The following ASIC2 variants were observed in gnomAD, a reference collection of about 807,000 sequenced individuals.
ASIC2 encodes the protein acid-sensing ion channel 2.
Under a neutral mutation model 57.3 loss-of-function variants are expected in ASIC2, and 25 were observed. The observed-to-expected ratio is 0.44, with a 90% CI of 0.32 to 0.61. The LOEUF is 0.61. Ranked by LOEUF, ASIC2 falls within the 20% of genes least tolerant of loss-of-function variation. The pLI is 0.06. For synonymous variants in ASIC2, 319 were observed against 307.5 expected, an observed-to-expected ratio of 1.04 and a Z score of -0.39; for missense variants, 641 against 738.1, an observed-to-expected ratio of 0.87 and a Z score of 1.52.
chr17:34,081,888 A>G (rs1452949492), intron 1 of ASIC2: 1 of 152,190 alleles, frequency 6.6e-6, no homozygotes, highest in Non-Finnish European at 1.5e-5. Context: ...ATTGTAGCTC[A>G]ATAAATGTTT....
chr17:34,026,318 G>A (rs1397319345), intron 1 of ASIC2, among the ~76,000 whole-genome samples: 1 of 152,176 alleles, frequency 6.6e-6, no homozygotes, highest in Non-Finnish European at 1.5e-5. Flanking sequence ...GCAGCCGCTA[G>A]CCATGCATGA....
In ASIC2 at chr17:33,544,504, T is replaced by A. The variant is rs114234445; in HGVS notation, c.556-432437A>T. On this transcript the variant is annotated intron_variant, in intron 1 of 9. Coordinates refer to the ASIC2 transcript ENST00000359872. ...CTTTCTGTACCTTTTTAAATTCTCA[T>A]CAGCATTGCACTGAAGGTTTTGTTC... Among the ~76,000 whole-genome samples the A allele has an allele frequency of 8.3e-3, 1,259 of 152,320 alleles. 22 individuals are homozygous for A. The highest frequency in any genetic ancestry group is 0.029 in the African/African-American group (1,214 of 41,568).
rs574546382 is a variant in ASIC2 at position 33,515,763 on chromosome 17, C to T, written c.556-403696G>A. On this transcript the variant is annotated intron_variant, in intron 1 of 9. Transcript: ENST00000359872. Reference sequence around the variant, plus strand: ...ATAGTCCCAGATGCCCACTCTCGGACTTGGCTTGCTATTCCTGTCCTGACC... The same window carrying T: ...ATAGTCCCAGATGCCCACTCTCGGATTTGGCTTGCTATTCCTGTCCTGACC... 9.5e-4 allele frequency among the ~76,000 whole-genome samples: 145 copies of T among 152,340 alleles called. 1 individual carries two copies. Among genetic ancestry groups the T allele is most frequent in the Middle Eastern group, 3.4e-3 (1 of 294 alleles).
intron 1 of ASIC2, among the ~76,000 whole-genome samples, chr17:33,934,981 G>A (rs1018005518): frequency 6.6e-6 from 1 of 152,194 alleles, no homozygotes; most frequent in African/African-American, 2.4e-5. Flanking sequence ...AAATGACCAT[G>A]GATCCCTATT....
Position 34,156,308 on chromosome 17 carries a change from C to T in ASIC2, c.225G>A (p.Lys75=). The change falls in exon 1 of 10, where the codon AAG becomes AAA. Residue 75 remains lysine, a synonymous_variant. Coordinates refer to the ASIC2 transcript ENST00000359872. The surrounding 1 kb of genome is among the most constrained non-coding windows in gnomAD (Gnocchi z 4.4). Reference sequence around the variant, plus strand: ...GGCTTTGAGCCACCACTTCGTCCACCTTAGTGACATGCTGGTAGGAGAAGT... The same window carrying T: ...GGCTTTGAGCCACCACTTCGTCCACTTTAGTGACATGCTGGTAGGAGAAGT... The T allele has an allele frequency of 1.2e-6, 2 of 1,614,196 alleles. No homozygotes were observed. Among genetic ancestry groups the T allele is most frequent in the East Asian group, 4.5e-5 (2 of 44,860 alleles).
At chr17:33,016,904 C>T (rs764680813) in intron 8 of ASIC2, among the ~76,000 whole-genome samples, 4 of 152,180 alleles carry the variant, frequency 2.6e-5, no homozygotes, top group Non-Finnish European at 4.4e-5. Flanking sequence ...AGGGAACACC[C>T]GTCAAAACAG....
At chr17:33,545,520 T>C (rs1318897333) in intron 1 of ASIC2, among the ~76,000 whole-genome samples, 2 of 152,166 alleles carry the variant, frequency 1.3e-5, no homozygotes, top group Admixed American at 6.5e-5. Flanking sequence ...ATTCCCATAA[T>C]AGACAAGAGA....
chr17:33,666,599 G>T (rs768241135), intron 1 of ASIC2, among the ~76,000 whole-genome samples: 5 of 152,120 alleles, frequency 3.3e-5, no homozygotes, highest in Admixed American at 2.0e-4. Flanking sequence ...GTGACTGGGG[G>T]GCATCCGCTG....
chr17:33,224,062 T>C (rs1434204065), intron 1 of ASIC2, among the ~76,000 whole-genome samples: 1 of 152,178 alleles, frequency 6.6e-6, no homozygotes, highest in African/African-American at 2.4e-5. Context: ...AGGGCTCTCA[T>C]TGTGGACTAC....
intron 1 of ASIC2, among the ~76,000 whole-genome samples, chr17:33,400,925 C>T (rs1009536567): frequency 6.6e-6 from 1 of 152,138 alleles, no homozygotes; most frequent in African/African-American, 2.4e-5. Context: ...CAAACACTTC[C>T]AAAATCTCAG....
chr17:34,002,870 A>G (rs769838126), intron 1 of ASIC2: 44 of 152,170 alleles, frequency 2.9e-4, no homozygotes, highest in Non-Finnish European at 5.9e-4. Context: ...AAACAAATAC[A>G]TTGCTGTTAT....
intron 1 of ASIC2, among the ~76,000 whole-genome samples, chr17:33,640,751 T>C (rs1409725810): frequency 6.6e-6 from 1 of 151,492 alleles, no homozygotes; most frequent in Non-Finnish European, 1.5e-5. Flanking sequence ...TCAGTCATTC[T>C]CAACAGATGC....
At chr17:33,843,794 T>C (rs1913504848) in intron 1 of ASIC2, among the ~76,000 whole-genome samples, 1 of 152,218 alleles carries the variant, frequency 6.6e-6, no homozygotes, top group Non-Finnish European at 1.5e-5. Context: ...TTATCATGCA[T>C]TCAAAAGTCA....
chr17:33,250,546 T>C (rs1031196071), intron 1 of ASIC2, among the ~76,000 whole-genome samples: 5 of 152,246 alleles, frequency 3.3e-5, no homozygotes, highest in African/African-American at 1.2e-4. Flanking sequence ...GCTTATCCCA[T>C]GCGCCATGTT....
chr17:33,615,640 T>G lies in ASIC2; in HGVS notation c.556-503573A>C, dbSNP rs1240474522. 3.9e-5 allele frequency among the ~76,000 whole-genome samples: 6 copies of G among 152,214 alleles called. No homozygotes were observed. In the East Asian group the frequency reaches 1.2e-3, roughly 29 times the overall value. On this transcript the variant is annotated intron_variant, in intron 1 of 9. Transcript: ENST00000359872. The stretch of plus-strand genomic sequence containing the variant: ...TTTAACTTCTGGGGTTTAGATTTGT[T>G]ACATAGGTAAGCGTGTGCCATGGTG...
intron 1 of ASIC2, among the ~76,000 whole-genome samples, chr17:33,563,019 G>C (rs1476393747): frequency 6.6e-6 from 1 of 152,202 alleles, no homozygotes; most frequent in Non-Finnish European, 1.5e-5. Flanking sequence ...TGGGCTCTAG[G>C]AGGAGCTGTT....
intron 3 of ASIC2, among the ~76,000 whole-genome samples, chr17:33,033,224 A>G (rs1419460229): frequency 6.6e-6 from 1 of 152,188 alleles, no homozygotes; most frequent in Non-Finnish European, 1.5e-5. Context: ...ATGCCACTGC[A>G]CCCACAGCTG....
Position 33,111,773 on chromosome 17 carries a change from TC to T in ASIC2, c.859+143del, listed in dbSNP as rs2141986976. 4 of 1,209,114 alleles carry T rather than the reference TC, an allele frequency of 3.3e-6. No individual in the cohort carries two copies. The Admixed American group carries it at 8.4e-5, about 25-fold the overall frequency. The allele number at this position is 1,209,114 out of a possible 1,614,324, so 74.9% of individuals were successfully genotyped here. A position where few individuals can be genotyped will look rare whatever the true frequency, so the allele number is the denominator to read the frequency against. ...GGCATCCCAGCCCAAGCCAGGGACA[TC>T]TTTATGATCTAGCAGCATGTCACAA... is the stretch of plus-strand genomic sequence containing the variant. On this transcript the variant is annotated intron_variant, in intron 2 of 9. Coordinates refer to ENST00000225823, the MANE Select transcript of ASIC2 (RefSeq NM_183377.2).
chr17:33,508,157 G>A (rs1336734791), intron 1 of ASIC2, among the ~76,000 whole-genome samples: 1 of 145,456 alleles, frequency 6.9e-6, no homozygotes, highest in Admixed American at 6.9e-5. Flanking sequence ...TTTTACTTCC[G>A]TCCTCTTCCC....
Sources: gnomAD v4.1 joint callset for allele counts (sites outside exome capture counted in the v4.1 genomes callset) on GRCh38, gnomAD v4.1.1 for gene constraint, Gnocchi (gnomAD v3.1) non-coding constraint, MANE v1.5 for transcripts, NCBI Gene and HGNC (gene_info 2026-07-23, HGNC 2026-07-21) for gene names.